LAMA1: variants seen among roughly 807,000 people sequenced by gnomAD.
LAMA1 encodes the protein laminin subunit alpha-1.
A neutral mutation model predicts 348.7 loss-of-function variants in LAMA1; 219 were observed. That is an observed-to-expected ratio of 0.63 (90% CI 0.56 to 0.70). The LOEUF is 0.70. Among genes scored for constraint, LAMA1 ranks in the 30% least tolerant of loss-of-function variants. The pLI is 0.00. For missense variants in LAMA1, 3,744 were observed against 3,888.0 expected (o/e 0.96, Z 0.99); for synonymous variants, 1,487 against 1,491.0 (o/e 1.00, Z 0.06).
At chr18:7,014,739 G>A (rs1016023434) in intron 22 of LAMA1, among the ~76,000 whole-genome samples, 2 of 152,074 alleles carry the variant, frequency 1.3e-5, no homozygotes, top group Non-Finnish European at 2.9e-5. Context: ...GAGGCCTCAT[G>A]GTTTGGACAT....
chr18:7,003,268 T>G (rs80215436), intron 29 of LAMA1, among the ~76,000 whole-genome samples: 1 of 141,478 alleles, frequency 7.1e-6, no homozygotes, highest in African/African-American at 2.7e-5. Context: ...TTTTTTTTTT[T>G]GAGACAGAGT....
At position 7,117,554 on chromosome 18, in the gene LAMA1, T is replaced by C. The variant is rs2058362728; in HGVS notation, c.61+106A>G. 2.5e-6 allele frequency: 3 copies of C among 1,213,928 alleles called. No individual in the cohort carries two copies. In the African/African-American group the frequency reaches 4.6e-5, roughly 19 times the overall value. 75.2% of individuals were successfully genotyped at this position (1,213,928 alleles called of 1,614,324 possible). A position where few individuals can be genotyped will look rare whatever the true frequency, so the allele number is the denominator to read the frequency against. ...ACACCCACTCCGAGGTGGATCAGGA[T>C]GCGCGCCCGGACTCCAGCAGCCCCA... On this transcript the variant is annotated intron_variant, in intron 1 of 62. Transcript: ENST00000389658.
intron 6 of LAMA1, among the ~76,000 whole-genome samples, chr18:7,045,581 C>T (rs1275839716): frequency 6.6e-6 from 1 of 152,000 alleles, no homozygotes; most frequent in East Asian, 1.9e-4. Flanking sequence ...TTTATTGAGA[C>T]AGAGTCTCGC....
intron 19 of LAMA1, among the ~76,000 whole-genome samples, chr18:7,021,951 C>T (rs895925066): frequency 4.7e-5 from 7 of 150,168 alleles, no homozygotes; most frequent in Admixed American, 2.0e-4. Flanking sequence ...TAAATGTTAC[C>T]GCACTGACTT....
intron 7 of LAMA1, among the ~76,000 whole-genome samples, chr18:7,044,448 G>A (rs2058033718): frequency 6.6e-6 from 1 of 151,846 alleles, no homozygotes; most frequent in Non-Finnish European, 1.5e-5. Context: ...ATACAACCTG[G>A]CATATCCCAT....
intron 11 of LAMA1, 140 bp downstream of exon 11, chr18:7,038,670 T>C: frequency 8.6e-7 from 1 of 1,164,392 alleles, no homozygotes; most frequent in Non-Finnish European, 1.3e-6. Flanking sequence ...CGGCTGCCTT[T>C]GACCCACGTC....
At chr18:6,955,741 T>C in intron 56 of LAMA1, 7 of 525,306 alleles carry the variant, frequency 1.3e-5, no homozygotes, top group South Asian at 1.1e-4. Context: ...CCTACAAATT[T>C]TCATCAGGCT....
At chr18:6,962,174 C>T in intron 51 of LAMA1, 115 bp from the exon 52 acceptor site, 1 of 758,020 alleles carries the variant, frequency 1.3e-6, no homozygotes, top group African/African-American at 1.7e-5. Flanking sequence ...GTAATCCCAG[C>T]ACTTTGGAAG....
Position 6,985,656 on chromosome 18 carries a change from C to A in LAMA1, c.5380-13G>T. The A allele has an allele frequency of 6.3e-7, 1 of 1,598,650 alleles. No homozygotes were observed. Among genetic ancestry groups the A allele is most frequent in the Non-Finnish European group, 8.6e-7 (1 of 1,166,580 alleles). On this transcript the variant is annotated splice_polypyrimidine_tract_variant and intron_variant, in intron 37 of 62. Transcript: ENST00000389658. ...GCAGCTTTTTATCCTGCAGCAGAAA[C>A]GGCATTTTAAGGGTGCTTCATAAAA... is the stretch of plus-strand genomic sequence containing the variant.
chr18:6,956,023 G>A lies in LAMA1; in HGVS notation c.8095-558C>T, dbSNP rs144555413. The A allele has an allele frequency of 3.4e-3, 1,013 of 294,616 alleles. 7 individuals are homozygous for A. The highest frequency in any genetic ancestry group is 0.02 in the African/African-American group (933 of 45,574). 18.3% of individuals were successfully genotyped at this position (294,616 alleles called of 1,614,324 possible). On this transcript the variant is annotated intron_variant, in intron 56 of 62. Coordinates refer to ENST00000389658, the MANE Select transcript of LAMA1 (RefSeq NM_005559.4). The stretch of plus-strand genomic sequence containing the variant: ...TCCTAAGAGTGCCCAAGTCATGGGG[G>A]TCCCAGATGCTGTTTTCTGCTTCAG...
At chr18:6,983,383 T>A in intron 39 of LAMA1, 149 bp from the exon 40 acceptor site, 1 of 805,718 alleles carries the variant, frequency 1.2e-6, no homozygotes, top group Non-Finnish European at 2.0e-6. Context: ...TAACAACCTA[T>A]GGGTTCCCAT....
intron 16 of LAMA1, among the ~76,000 whole-genome samples, 178 bp downstream of exon 16, chr18:7,031,888 A>AC (rs1476381429): frequency 1.8e-5 from 2 of 111,316 alleles, no homozygotes; most frequent in South Asian, 2.5e-4. Context: ...TCAAAAAAAA[A>AC]ACAAAAAAAA....
Position 7,010,401 on chromosome 18 carries a change from GTGT to G in LAMA1, c.3688-19_3688-17del, listed in dbSNP as rs535197995. ...AGGCCATGAGCTATCAAATAATAAA[GTGT>G]TGTTTACTTCTCTGACAAAGCTTTC... On this transcript the variant is annotated splice_polypyrimidine_tract_variant and intron_variant, in intron 25 of 62. Transcript: ENST00000389658. The G allele has an allele frequency of 2.6e-3, 4,117 of 1,611,584 alleles. 8 individuals carry two copies. Among genetic ancestry groups the G allele is most frequent in the Middle Eastern group, 8.3e-3 (50 of 6,052 alleles).
chr18:7,000,265 G>A (rs2057801780), intron 30 of LAMA1, among the ~76,000 whole-genome samples: 1 of 152,238 alleles, frequency 6.6e-6, no homozygotes, highest in South Asian at 2.1e-4. Context: ...ACTGACCTTA[G>A]GGATTATCAC....
chr18:7,009,163 A>G (rs1254250798), intron 27 of LAMA1, 76 bp downstream of exon 27: 3 of 1,503,336 alleles, frequency 2.0e-6, no homozygotes, highest in Non-Finnish European at 2.8e-6. Flanking sequence ...AGGTAATGGA[A>G]GTGAAGTGAG....
chr18:7,056,574 C>T (rs1424017876), intron 3 of LAMA1, among the ~76,000 whole-genome samples: 2 of 152,160 alleles, frequency 1.3e-5, no homozygotes, highest in Non-Finnish European at 2.9e-5. Context: ...GTGGTGTCAA[C>T]TCCAGAGCCC....
At chr18:7,071,716 T>C (rs1299399098) in intron 3 of LAMA1, among the ~76,000 whole-genome samples, 1 of 152,198 alleles carries the variant, frequency 6.6e-6, no homozygotes, top group Non-Finnish European at 1.5e-5. Context: ...ATATATCACA[T>C]AATCTGTCTC....
chr18:7,012,201 C>A, intron 23 of LAMA1, 63 bp from the exon 24 acceptor site: 1 of 1,542,168 alleles, frequency 6.5e-7, no homozygotes, highest in East Asian at 2.2e-5. Context: ...TCTGAACAAA[C>A]AGAGACAAAA....
At chr18:7,050,617 G>A in intron 4 of LAMA1, 77 bp downstream of exon 4, 1 of 1,600,020 alleles carries the variant, frequency 6.2e-7, no homozygotes, top group Non-Finnish European at 8.5e-7. Flanking sequence ...TTTGTATTGA[G>A]AGAGATCAAT....
Sources: allele counts gnomAD v4.1 joint callset (sites outside exome capture counted in the v4.1 genomes callset), GRCh38; gene constraint gnomAD v4.1.1; transcripts MANE v1.5; gene names NCBI Gene and HGNC (gene_info 2026-07-23, HGNC 2026-07-21).